The following ADGRB1 variants were observed in gnomAD, a reference collection of about 807,000 sequenced individuals.
ADGRB1 encodes the protein adhesion G protein-coupled receptor B1.
Under a neutral mutation model 175.7 loss-of-function variants are expected in ADGRB1, and 36 were observed. The ratio of observed to expected loss-of-function variants is 0.20; its 90% confidence interval spans 0.16 to 0.27. The LOEUF (loss-of-function observed/expected upper bound fraction) is 0.27. ADGRB1 is among the 10% of genes least tolerant of loss of function. The probability of loss-of-function intolerance (pLI) is 1.00; values close to 1 mark genes in which losing one functional copy is unlikely to be tolerated. For synonymous variants in ADGRB1, 1,054 were observed against 979.4 expected, an observed-to-expected ratio of 1.08 and a Z score of -1.42; for missense variants, 1,731 against 2,255.3, an observed-to-expected ratio of 0.77 and a Z score of 4.71.
Position 142,541,889 on chromosome 8 carries a change from G to GCCAT in ADGRB1, c.3707-49_3707-46dup, listed in dbSNP as rs1845292572. ...CCTCTCCTGCTGGGGACTGTCCTAC[G>GCCAT]CCATCCTCACCCCCACACCTGTCCC... On this transcript the variant is annotated intron_variant, in intron 27 of 30. Coordinates refer to ENST00000517894, the MANE Select transcript of ADGRB1 (RefSeq NM_001702.3). 8 of 1,488,610 alleles carry GCCAT rather than the reference G, an allele frequency of 5.4e-6. No individual in the cohort carries two copies. The African/African-American group carries it at 6.9e-5, about 13-fold the overall frequency. 92.2% of individuals were successfully genotyped at this position (1,488,610 alleles called of 1,614,324 possible).
rs984996488 is a variant in ADGRB1, at chr8:142,526,469, G to A, written c.3313-73G>A. 2.4e-5 allele frequency: 33 copies of A among 1,365,976 alleles called. No individual in the cohort carries two copies. The Admixed American group carries it at 3.4e-4, about 14-fold the overall frequency. The allele number at this position is 1,365,976 out of a possible 1,614,324, so 84.6% of individuals were successfully genotyped here. A position where few individuals can be genotyped will look rare whatever the true frequency, so the allele number is the denominator to read the frequency against. ...GGTCGTGGTTGGCGTAGCCAGCATC[G>A]GTCCGGCCAGTGTCAGCCCCTGAGC... On this transcript the variant is annotated intron_variant, in intron 23 of 30. Transcript: ENST00000517894.
At chr8:142,520,534 G>C (rs112965498) in intron 19 of ADGRB1, among the ~76,000 whole-genome samples, 26 of 129,960 alleles carry the variant, frequency 2.0e-4, no homozygotes, top group South Asian at 2.7e-4. Context: ...GATGGTGGTA[G>C]TGATTGTGTG....
At chr8:142,457,638 C>T (rs1178705708) in intron 1 of ADGRB1, among the ~76,000 whole-genome samples, 9 of 152,152 alleles carry the variant, frequency 5.9e-5, no homozygotes, top group Admixed American at 3.3e-4. Context: ...GGGCTCTCTA[C>T]GGGCAGGCCT....
chr8:142,521,013 C>G, intron 20 of ADGRB1, 88 bp downstream of exon 20: 1 of 1,324,812 alleles, frequency 7.5e-7, no homozygotes, highest in Non-Finnish European at 1.0e-6. Context: ...CGTGGGATCC[C>G]TGGGAAACTC....
In ADGRB1 at chr8:142,538,365, C is replaced by T. The variant is rs139062128; in HGVS notation, c.3667-1009C>T. Among the ~76,000 whole-genome samples, 526 of 152,328 alleles carry T rather than the reference C, an allele frequency of 3.5e-3. 4 individuals carry two copies. Among genetic ancestry groups the T allele is most frequent in the African/African-American group, 0.012 (501 of 41,572 alleles). On this transcript the variant is annotated intron_variant, in intron 26 of 30. Transcript: ENST00000517894. ...GTCCTTCAGTGAGAGACGGCCACTT[C>T]GGCTCTTGGGTGACGTCCAGGCAGG... is the stretch of plus-strand genomic sequence containing the variant.
chr8:142,527,879 A>T (rs549223786), intron 24 of ADGRB1, among the ~76,000 whole-genome samples: 1 of 152,164 alleles, frequency 6.6e-6, no homozygotes, highest in African/African-American at 2.4e-5. Flanking sequence ...AGGTTTAGGG[A>T]GGTTGAGTGG....
chr8:142,511,035 T>A lies in ADGRB1; in HGVS notation c.2779T>A (p.Ser927Thr). 1 of 1,299,224 alleles carries A rather than the reference T, an allele frequency of 7.7e-7. No homozygotes were observed. The allele number at this position is 1,299,224 out of a possible 1,614,324, so 80.5% of individuals were successfully genotyped here. A position where few individuals can be genotyped will look rare whatever the true frequency, so the allele number is the denominator to read the frequency against. The change falls in exon 18 of 31, where the codon TCC becomes ACC. Residue 927 changes from serine to threonine, a missense_variant. Physicochemically the swap from Ser to Thr is moderately conservative, Grantham distance 58 (BLOSUM62 1). Transcript: ENST00000517894. The surrounding 1 kb of genome is among the most constrained non-coding windows in gnomAD (Gnocchi z 4.5). ...LRTRCLCDRL[S>T]TFAILAQLSA... ...GACGCGCTGCCTCTGTGACCGGCTC[T>A]CCACCTTCGCCATCTTAGCCCAGCT...
rs575758465 is a variant in ADGRB1 at position 142,521,947 on chromosome 8, G to C, written c.3025-18G>C. On this transcript the variant is annotated intron_variant, in intron 20 of 30. Transcript: ENST00000517894. ...GGGGAGCACCTGCCCAGCCTGCCCC[G>C]CCCTGGGCCCCACACAGGTGGTGTG... The C allele has an allele frequency of 7.0e-6, 11 of 1,570,696 alleles. No individual in the cohort carries two copies. In the African/African-American group the frequency reaches 1.5e-4, roughly 21 times the overall value.
intron 1 of ADGRB1, among the ~76,000 whole-genome samples, chr8:142,453,177 C>T (rs1404376435): frequency 6.6e-6 from 1 of 152,128 alleles, no homozygotes; most frequent in Non-Finnish European, 1.5e-5. Flanking sequence ...CGTTTGCGTG[C>T]TGGTGTCCAT....
intron 3 of ADGRB1, among the ~76,000 whole-genome samples, chr8:142,476,320 G>A (rs1840972037): frequency 6.6e-6 from 1 of 152,180 alleles, no homozygotes. Flanking sequence ...GCACGGGAGA[G>A]CAGCCGTCCT....
chr8:142,539,303 G>C lies in ADGRB1; in HGVS notation c.3667-71G>C, dbSNP rs528181264. On this transcript the variant is annotated intron_variant, in intron 26 of 30. Coordinates refer to ENST00000517894, the MANE Select transcript of ADGRB1 (RefSeq NM_001702.3). ...CAGGAGCACCGTGGCCCTCCCGAGC[G>C]GTCTGTGCACGCGTGCACACACCCC... The C allele has an allele frequency of 6.7e-6, 10 of 1,492,364 alleles. No individual in the cohort carries two copies. The East Asian group carries it at 7.4e-5, about 11-fold the overall frequency. The allele number at this position is 1,492,364 out of a possible 1,614,324, so 92.4% of individuals were successfully genotyped here.
At chr8:142,503,218 G>T (rs530362530) in intron 17 of ADGRB1, among the ~76,000 whole-genome samples, 5 of 152,180 alleles carry the variant, frequency 3.3e-5, no homozygotes, top group Admixed American at 1.3e-4. Flanking sequence ...CAGATGGCAG[G>T]CCAGGTGGGT....
At chr8:142,470,465 G>A (rs1840600222) in intron 2 of ADGRB1, among the ~76,000 whole-genome samples, 1 of 151,734 alleles carries the variant, frequency 6.6e-6, no homozygotes, top group South Asian at 2.1e-4. Flanking sequence ...GGAGGGACAG[G>A]GGAGCCACTC....
At chr8:142,507,307 G>A (rs1450294502) in intron 17 of ADGRB1, among the ~76,000 whole-genome samples, 3 of 152,206 alleles carry the variant, frequency 2.0e-5, no homozygotes, top group African/African-American at 7.2e-5. Context: ...GGAGGACGGA[G>A]GAGGTAGAGA....
intron 16 of ADGRB1, among the ~76,000 whole-genome samples, chr8:142,490,566 T>C (rs1419788957): frequency 1.3e-5 from 2 of 152,214 alleles, no homozygotes; most frequent in Admixed American, 6.5e-5. Context: ...ACATGGGTGG[T>C]GGGGGCTTGT....
chr8:142,491,933 G>A (rs1227941489), intron 17 of ADGRB1, among the ~76,000 whole-genome samples: 4 of 152,130 alleles, frequency 2.6e-5, no homozygotes, highest in Non-Finnish European at 5.9e-5. Context: ...TGGAGCAAGG[G>A]CAGGGAGGCT....
intron 17 of ADGRB1, among the ~76,000 whole-genome samples, chr8:142,507,548 C>T (rs890579422): frequency 2.0e-5 from 3 of 152,338 alleles, no homozygotes; most frequent in African/African-American, 7.2e-5. Flanking sequence ...ATAAACGACT[C>T]AGCACCCACA....
At chr8:142,529,399 G>A (rs1030687371) in intron 24 of ADGRB1, among the ~76,000 whole-genome samples, 2 of 151,940 alleles carry the variant, frequency 1.3e-5, no homozygotes, top group African/African-American at 2.4e-5. Context: ...TTTTAATTTC[G>A]CTTGTAGCCA....
chr8:142,453,688 G>T (rs1386911976), intron 1 of ADGRB1, among the ~76,000 whole-genome samples: 2 of 152,176 alleles, frequency 1.3e-5, no homozygotes, highest in Admixed American at 6.5e-5. Flanking sequence ...GGGGGCAAGG[G>T]GGAGGGCGTG....
Sources: allele counts gnomAD v4.1 joint callset (sites outside exome capture counted in the v4.1 genomes callset), GRCh38; gene constraint gnomAD v4.1.1; non-coding constraint Gnocchi (gnomAD v3.1); transcripts MANE v1.5; gene names NCBI Gene and HGNC (gene_info 2026-07-23, HGNC 2026-07-21).